The following ARHGAP44 variants were observed in gnomAD, a reference collection of about 807,000 sequenced individuals.
ARHGAP44 encodes rho GTPase-activating protein 44.
Under a neutral mutation model 106.8 loss-of-function variants are expected in ARHGAP44, and 43 were observed. That is an observed-to-expected ratio of 0.40 (90% CI 0.32 to 0.52). The LOEUF (loss-of-function observed/expected upper bound fraction) is 0.52, where lower values mean the gene tolerates loss of function less well. Among genes scored for constraint, ARHGAP44 ranks in the 20% least tolerant of loss-of-function variants. The probability of loss-of-function intolerance (pLI) is 0.48; values close to 1 mark genes in which losing one functional copy is unlikely to be tolerated. For missense variants in ARHGAP44, 866 were observed against 1,050.5 expected, an observed-to-expected ratio of 0.82 and a Z score of 2.43; for synonymous variants, 439 against 410.3, an observed-to-expected ratio of 1.07 and a Z score of -0.85.
chr17:12,975,022 G>T (rs866091223), intron 18 of ARHGAP44, among the ~76,000 whole-genome samples: 1 of 152,034 alleles, frequency 6.6e-6, no homozygotes, highest in Admixed American at 6.6e-5. Flanking sequence ...GCTAATTTTT[G>T]TATTTTTAGT....
chr17:12,895,803 G>A (rs552067344), intron 2 of ARHGAP44, among the ~76,000 whole-genome samples: 9 of 152,154 alleles, frequency 5.9e-5, no homozygotes, highest in African/African-American at 9.6e-5. Context: ...ACATGCACAC[G>A]TATGTTTATT....
intron 1 of ARHGAP44, among the ~76,000 whole-genome samples, chr17:12,829,771 C>T (rs139646304): frequency 6.6e-6 from 1 of 152,242 alleles, no homozygotes; most frequent in African/African-American, 2.4e-5. Flanking sequence ...CTTCATGTGG[C>T]CTTCCTTGAC....
At position 12,896,458 on chromosome 17, in the gene ARHGAP44, A is replaced by G; in HGVS notation, c.145A>G (p.Lys49Glu). The change falls in exon 3 of 21, where the codon AAG (lysine) becomes GAG (glutamate). Residue 49 changes from lysine (K) to glutamate (E), a missense_variant. Lys to Glu is a moderately conservative substitution (Grantham distance 56). Around this residue, in one of 2 missense-constraint regions of ARHGAP44, gnomAD observed 448 missense variants for 646.9 expected, o/e 0.69. Coordinates refer to ENST00000379672, the MANE Select transcript of ARHGAP44 (RefSeq NM_014859.6). Reference sequence around the variant, plus strand: ...ACAGGTGTCCCACAGCACGCACAAGAAGCTCACCGCATGTCTGCAGGGCCA... The same window carrying G: ...ACAGGTGTCCCACAGCACGCACAAGGAGCTCACCGCATGTCTGCAGGGCCA... ...VKQVSHSTHK[K>E]LTACLQGQQG... 6.2e-7 allele frequency: 1 copy of G among 1,610,244 alleles called. No homozygotes were observed. Among genetic ancestry groups the G allele is most frequent in the South Asian group, 1.1e-5 (1 of 89,804 alleles).
intron 1 of ARHGAP44, among the ~76,000 whole-genome samples, chr17:12,815,234 A>G (rs60656627): frequency 0.031 from 4,666 of 152,182 alleles, 240 homozygotes; most frequent in African/African-American, 0.11. Context: ...GGGTTCCCCT[A>G]AAGGTTATCC....
At chr17:12,883,174 A>G (rs2036787151) in intron 1 of ARHGAP44, among the ~76,000 whole-genome samples, 1 of 117,910 alleles carries the variant, frequency 8.5e-6, no homozygotes, top group Admixed American at 9.3e-5. Context: ...ATTTTGTCTA[A>G]GTTTTTTTTT....
rs2037153647 is a variant in ARHGAP44, at chr17:12,894,817, T to C, written c.54-123T>C. 12 of 835,820 alleles carry C rather than the reference T, an allele frequency of 1.4e-5. No individual in the cohort carries two copies. The Middle Eastern group carries it at 1.4e-3, about 97-fold the overall frequency. 51.8% of individuals were successfully genotyped at this position (835,820 alleles called of 1,614,324 possible). On this transcript the variant is annotated intron_variant, in intron 1 of 20. Coordinates refer to ENST00000379672, the MANE Select transcript of ARHGAP44 (RefSeq NM_014859.6). ...ATTCTAGTTTTCTCTATTCTCTTAT[T>C]AAATGTTTCTACTACTCATGTCTCT...
intron 1 of ARHGAP44, among the ~76,000 whole-genome samples, chr17:12,806,058 G>A (rs1207283470): frequency 6.6e-6 from 1 of 152,194 alleles, no homozygotes; most frequent in Admixed American, 6.5e-5. Flanking sequence ...GGGGGTATAA[G>A]TCCTTTATTC....
At chr17:12,989,116 A>AAC (rs2143491123) in intron 20 of ARHGAP44, among the ~76,000 whole-genome samples, 1 of 146,320 alleles carries the variant, frequency 6.8e-6, no homozygotes, top group Admixed American at 6.8e-5. Flanking sequence ...AAAAAAAAAA[A>AAC]AAAAAAAAAC....
chr17:12,810,620 G>A (rs1273109702), intron 1 of ARHGAP44, among the ~76,000 whole-genome samples: 1 of 152,140 alleles, frequency 6.6e-6, no homozygotes, highest in Non-Finnish European at 1.5e-5. Context: ...TCATGCATAT[G>A]GGATGAGATC....
intron 6 of ARHGAP44, among the ~76,000 whole-genome samples, chr17:12,923,562 G>A (rs922274917): frequency 6.6e-6 from 1 of 152,166 alleles, no homozygotes; most frequent in Admixed American, 6.5e-5. Flanking sequence ...AAACTCAGTT[G>A]ATTTCCCCTT....
At chr17:12,971,656 A>G (rs1016509325) in intron 16 of ARHGAP44, among the ~76,000 whole-genome samples, 1 of 152,196 alleles carries the variant, frequency 6.6e-6, no homozygotes, top group African/African-American at 2.4e-5. Flanking sequence ...GTGGCCTCCA[A>G]AAGCATTTCT....
Position 12,915,912 on chromosome 17 carries a change from A to C in ARHGAP44, c.288A>C (p.Lys96Asn). 1 of 1,613,512 alleles carries C rather than the reference A, an allele frequency of 6.2e-7. No individual in the cohort carries two copies. The highest frequency in any genetic ancestry group is 8.5e-7 in the Non-Finnish European group (1 of 1,179,746). The change falls in exon 5 of 21, where the codon AAA becomes AAC. Residue 96 changes from lysine to asparagine, a missense_variant. Lys to Asn is a moderately conservative substitution (Grantham distance 94). Coordinates refer to ENST00000379672, the MANE Select transcript of ARHGAP44 (RefSeq NM_014859.6). ...CCTTGGATTACAGGAAGATGCTGAAACTCTGTGGAGAGACGGAGGACAAGC... is the reference window on the plus strand; with the variant it reads ...CCTTGGATTACAGGAAGATGCTGAACCTCTGTGGAGAGACGGAGGACAAGC... ...GDDTLLGKML[K>N]LCGETEDKLA...
At chr17:12,825,989 G>A (rs2034908658) in intron 1 of ARHGAP44, among the ~76,000 whole-genome samples, 1 of 152,162 alleles carries the variant, frequency 6.6e-6, no homozygotes, top group African/African-American at 2.4e-5. Context: ...GTAGTCCTTT[G>A]TGTTCGTTCT....
chr17:12,838,177 C>CT (rs2035291916), intron 1 of ARHGAP44, among the ~76,000 whole-genome samples: 1 of 152,110 alleles, frequency 6.6e-6, no homozygotes, highest in Admixed American at 6.6e-5. Context: ...TAACACTATC[C>CT]TTGTCACTAA....
Position 12,958,175 on chromosome 17 carries a change from A to G in ARHGAP44, c.1343-542A>G, listed in dbSNP as rs1053283637. On this transcript the variant is annotated intron_variant, in intron 15 of 20. Coordinates refer to ENST00000379672, the MANE Select transcript of ARHGAP44 (RefSeq NM_014859.6). The surrounding 1 kb of genome is among the most constrained non-coding windows in gnomAD (Gnocchi z 4.1). ...AAGGATGGGATGAGTACTTCTGTAT[A>G]TCTCTTTGACAGCCAAAAAACAACT... 1.3e-5 allele frequency among the ~76,000 whole-genome samples: 2 copies of G among 152,244 alleles called. No homozygotes were observed. The highest frequency in any genetic ancestry group is 4.8e-5 in the African/African-American group (2 of 41,482).
chr17:12,955,795 T>G, intron 13 of ARHGAP44, 72 bp from the exon 14 acceptor site: 1 of 869,402 alleles, frequency 1.2e-6, no homozygotes, highest in South Asian at 1.5e-5. Context: ...GAGAGAAGCT[T>G]CTGTCCAGTC....
intron 19 of ARHGAP44, among the ~76,000 whole-genome samples, chr17:12,983,242 G>A (rs1017987282): frequency 2.2e-5 from 3 of 135,512 alleles, no homozygotes; most frequent in African/African-American, 8.3e-5. Context: ...TCCAGCCTGG[G>A]TGACAGAGCG....
intron 1 of ARHGAP44, among the ~76,000 whole-genome samples, chr17:12,883,908 A>C (rs1371952719): frequency 6.6e-6 from 1 of 152,106 alleles, no homozygotes; most frequent in East Asian, 1.9e-4. Flanking sequence ...ATTGTGGCAA[A>C]ATTTCCAAGG....
intron 10 of ARHGAP44, among the ~76,000 whole-genome samples, chr17:12,948,515 C>T (rs975364458): frequency 5.3e-5 from 8 of 151,872 alleles, no homozygotes; most frequent in African/African-American, 1.9e-4. Context: ...TCTAAAAATA[C>T]AAAAAATTAG....
Sources: gnomAD v4.1 joint callset for allele counts (sites outside exome capture counted in the v4.1 genomes callset) on GRCh38, gnomAD v4.1.1 for gene constraint, gnomAD v4.1.1 regional missense constraint, Gnocchi (gnomAD v3.1) non-coding constraint, MANE v1.5 for transcripts, NCBI Gene and HGNC (gene_info 2026-07-23, HGNC 2026-07-21) for gene names.